MCM3: variants seen among roughly 807,000 people sequenced by gnomAD.
The protein encoded by MCM3 is DNA replication licensing factor MCM3.
In MCM3, 59 loss-of-function variants were observed where a neutral mutation model predicts 91.3. That is an observed-to-expected ratio of 0.65 (90% confidence interval 0.52 to 0.80). The LOEUF (loss-of-function observed/expected upper bound fraction) is 0.80. Among genes scored for constraint, MCM3 ranks in the 30% least tolerant of loss-of-function variants. The probability of loss-of-function intolerance (pLI) is 0.00; values close to 1 mark genes in which losing one functional copy is unlikely to be tolerated. For missense variants in MCM3, 919 were observed against 1,035.4 expected (o/e 0.89, Z 1.54); for synonymous variants, 383 against 379.6 (o/e 1.01, Z -0.10).
At chr6:52,277,271 C>T in intron 7 of MCM3, 73 bp from the exon 8 acceptor site, 1 of 1,505,536 alleles carries the variant, frequency 6.6e-7, no homozygotes, top group Admixed American at 1.8e-5. Context: ...CTTTCTAGCA[C>T]AGCTCTTGAC....
At position 52,280,821 on chromosome 6, in the gene MCM3, G is replaced by A. The variant is rs549253596; in HGVS notation, c.532-1222C>T. Among the ~76,000 whole-genome samples the A allele has an allele frequency of 9.9e-4, 151 of 152,328 alleles. 1 individual carries two copies. The highest frequency in any genetic ancestry group is 2.9e-3 in the South Asian group (14 of 4,818). On this transcript the variant is annotated intron_variant, in intron 4 of 16. Transcript: ENST00000596288. ...CTAGTCCTTAAGGCCATCACTAACT[G>A]GGACCGTAAGCAAATTGTTTAACTT...
intron 3 of MCM3, 39 bp downstream of exon 3, chr6:52,282,614 T>A: frequency 6.3e-7 from 1 of 1,591,056 alleles, no homozygotes. Flanking sequence ...CATCTCCCTG[T>A]CTATTCATTT....
At position 52,266,761 on chromosome 6, in the gene MCM3, T is replaced by C. The variant is rs2307320; in HGVS notation, c.2073-65A>G. On this transcript the variant is annotated intron_variant, in intron 14 of 16. Coordinates refer to ENST00000596288, the MANE Select transcript of MCM3 (RefSeq NM_002388.6). ...GAGACAGAAAGGCAAGGAAGCCCCA[T>C]CACGTGCCTCTAACTACGGAGAAAA... 9.0e-3 allele frequency: 10,831 copies of C among 1,202,656 alleles called. 301 individuals carry two copies. Among genetic ancestry groups the C allele is most frequent in the African/African-American group, 0.067 (4,516 of 67,026 alleles). 74.5% of individuals were successfully genotyped at this position (1,202,656 alleles called of 1,614,324 possible).
intron 1 of MCM3, among the ~76,000 whole-genome samples, chr6:52,284,264 C>A (rs772347105): frequency 2.6e-5 from 4 of 152,208 alleles, no homozygotes; most frequent in Admixed American, 2.6e-4. Flanking sequence ...GCCCCTCCCC[C>A]ACAGTCTCCT....
At chr6:52,278,964 G>C (rs1344042150) in intron 5 of MCM3, 114 bp from the exon 6 acceptor site, 1 of 655,048 alleles carries the variant, frequency 1.5e-6, no homozygotes, top group Non-Finnish European at 2.6e-6. Flanking sequence ...CAGCCAATTA[G>C]AGTTGGTGGG....
At chr6:52,270,177 A>C (rs1764989010) in intron 12 of MCM3, among the ~76,000 whole-genome samples, 3 of 151,940 alleles carry the variant, frequency 2.0e-5, no homozygotes, top group Non-Finnish European at 4.4e-5. Flanking sequence ...TACAAAAGAA[A>C]AATTAGCCCG....
intron 1 of MCM3, among the ~76,000 whole-genome samples, chr6:52,284,263 CCA>C (rs1408159611): frequency 3.9e-5 from 6 of 152,218 alleles, no homozygotes; most frequent in Non-Finnish European, 8.8e-5. Context: ...AGCCCCTCCC[CCA>C]CAGTCTCCTC....
Position 52,276,515 on chromosome 6 carries a change from G to C in MCM3, c.1166-39C>G, listed in dbSNP as rs200124989. On this transcript the variant is annotated intron_variant, in intron 8 of 16. Transcript: ENST00000596288. ...AGGTAAAAATACGTGCTACAGTCTA[G>C]GTTATAGGGGCCAGAAGGGAAGGAT... 3,568 of 1,520,580 alleles carry C rather than the reference G, an allele frequency of 2.3e-3. 7 individuals carry two copies. The highest frequency in any genetic ancestry group is 3.0e-3 in the Non-Finnish European group (3,286 of 1,101,974). 94.2% of individuals were successfully genotyped at this position (1,520,580 alleles called of 1,614,324 possible). A position where few individuals can be genotyped will look rare whatever the true frequency, so the allele number is the denominator to read the frequency against.
chr6:52,283,581 A>T (rs1766354795), intron 1 of MCM3, among the ~76,000 whole-genome samples, 175 bp from the exon 2 acceptor site: 1 of 152,216 alleles, frequency 6.6e-6, no homozygotes, highest in South Asian at 2.1e-4. Flanking sequence ...ATTCGAAATA[A>T]CACCCTAAGA....
At chr6:52,272,549 G>A (rs1436845390) in intron 11 of MCM3, 98 bp from the exon 12 acceptor site, 5 of 1,331,486 alleles carry the variant, frequency 3.8e-6, no homozygotes, top group Non-Finnish European at 4.2e-6. Context: ...TCAAAACAAA[G>A]CCTAGAACCC....
At chr6:52,265,989 G>T in intron 16 of MCM3, 86 bp downstream of exon 16, 1 of 1,171,308 alleles carries the variant, frequency 8.5e-7, no homozygotes, top group Non-Finnish European at 1.3e-6. Context: ...CCAGCAGTTT[G>T]TTTCCCACCC....
rs1165690435 is a variant in MCM3 at position 52,269,215 on chromosome 6, A to T, written c.1839T>A (p.Val613=). ...TCAGAGTTTCCAGTGTTCGGGCTGTAACTGGAGATGTCTAGGGAAGAAAAG... is the reference window on the plus strand; with the variant it reads ...TCAGAGTTTCCAGTGTTCGGGCTGTTACTGGAGATGTCTAGGGAAGAAAAG... ...MSSDTARTSP[V]TARTLETLIR... is the part of the protein sequence containing the mutation. Residue 613 remains valine (V), a synonymous_variant, in exon 13 of 17, where the codon GTT becomes GTA. Coordinates refer to ENST00000596288, the MANE Select transcript of MCM3 (RefSeq NM_002388.6). The T allele has an allele frequency of 1.9e-6, 3 of 1,610,874 alleles. No individual in the cohort carries two copies. The highest frequency in any genetic ancestry group is 1.7e-6 in the Non-Finnish European group (2 of 1,177,412).
At chr6:52,278,551 G>GT (rs1166272282) in intron 6 of MCM3, among the ~76,000 whole-genome samples, 191 bp downstream of exon 6, 3 of 151,808 alleles carry the variant, frequency 2.0e-5, no homozygotes, top group African/African-American at 7.3e-5. Context: ...TATTAAAATT[G>GT]TTTAATAACA....
At position 52,264,797 on chromosome 6, in the gene MCM3, C is replaced by T; in HGVS notation, c.2229-11G>A. On this transcript the variant is annotated splice_polypyrimidine_tract_variant and intron_variant, in intron 16 of 16. Transcript: ENST00000596288. ...TTGAATGCCTTCAACCTGCCCCAGA[C>T]AGAAGAAAGGGGGAAGAGGAGTAAA... 6.2e-7 allele frequency: 1 copy of T among 1,613,048 alleles called. No homozygotes were observed. Among genetic ancestry groups the T allele is most frequent in the Non-Finnish European group, 8.5e-7 (1 of 1,179,702 alleles).
chr6:52,269,172 G>A lies in MCM3; in HGVS notation c.1882C>T (p.His628Tyr). The change falls in exon 13 of 17, where the codon CAT becomes TAT. Residue 628 changes from histidine (H) to tyrosine (Y), a missense_variant. Around this residue, in one of 3 missense-constraint regions of MCM3, gnomAD observed 285 missense variants for 311.4 expected, o/e 0.92. Transcript: ENST00000596288. ...LETLIRLATAHAKARMSKTVD... is the reference protein window; with the variant it reads ...LETLIRLATAYAKARMSKTVD... ...GTCTTGCTCATGCGGGCCTTCGCAT[G>A]GGCTGTGGCCAGTCGAATCAGAGTT... 6.2e-7 allele frequency: 1 copy of A among 1,614,000 alleles called. No individual in the cohort carries two copies. The highest frequency in any genetic ancestry group is 8.5e-7 in the Non-Finnish European group (1 of 1,179,872).
At chr6:52,265,794 T>C (rs1053330448) in intron 16 of MCM3, among the ~76,000 whole-genome samples, 2 of 152,158 alleles carry the variant, frequency 1.3e-5, no homozygotes, top group African/African-American at 2.4e-5. Flanking sequence ...TTAAGTTTTA[T>C]CCTTATTGTA....
In MCM3 at chr6:52,278,838, A is replaced by C. The variant is rs1000406926; in HGVS notation, c.783T>G (p.Ile261Met). ...YTSGTFRTVL[I>M]ACNVKQMSKD... The stretch of plus-strand genomic sequence containing the variant: ...TGCTCATCTGCTTAACATTACAGGC[A>C]ATCAGGACAGTCCTGGGACAAACAG... Residue 261 changes from isoleucine to methionine, a missense_variant, in exon 6 of 17, where the codon ATT becomes ATG. By Grantham distance (10) the Ile-to-Met change is conservative. Coordinates refer to ENST00000596288, the MANE Select transcript of MCM3 (RefSeq NM_002388.6). The C allele has an allele frequency of 1.9e-6, 3 of 1,612,066 alleles. No individual in the cohort carries two copies. The Admixed American group carries it at 5.0e-5, about 27-fold the overall frequency.
Position 52,283,311 on chromosome 6 carries a change from G to T in MCM3, c.174C>A (p.Asn58Lys), listed in dbSNP as rs376784894. Residue 58 changes from asparagine to lysine, a missense_variant, in exon 2 of 17, where the codon AAC (asparagine) becomes AAA (lysine). Physicochemically the swap from Asn to Lys is moderately conservative, Grantham distance 94. Coordinates refer to ENST00000596288, the MANE Select transcript of MCM3 (RefSeq NM_002388.6). ...CCTCTCACCGGTTAGCCCTCTTCTC[G>T]TTTTTCCTGCGCAGGTCATTCACAT... ...IVNVNDLRRK[N>K]EKRANRLLNN... The T allele has an allele frequency of 1.9e-6, 3 of 1,614,040 alleles. No homozygotes were observed. The highest frequency in any genetic ancestry group is 2.5e-6 in the Non-Finnish European group (3 of 1,179,974).
At chr6:52,278,912 AC>A (rs1765816713) in intron 5 of MCM3, 62 bp from the exon 6 acceptor site, 2 of 1,217,556 alleles carry the variant, frequency 1.6e-6, no homozygotes, top group Admixed American at 3.9e-5. Flanking sequence ...AGTAGCTAGT[AC>A]CCCTAGCAGG....
Sources: allele counts gnomAD v4.1 joint callset (sites outside exome capture counted in the v4.1 genomes callset), GRCh38; gene constraint gnomAD v4.1.1; regional missense constraint gnomAD v4.1.1; transcripts MANE v1.5; gene names NCBI Gene and HGNC (gene_info 2026-07-23, HGNC 2026-07-21).